Variants in INTU observed in about 807,000 individuals in gnomAD.
INTU encodes protein inturned.
In INTU, 68 loss-of-function variants were observed where a neutral mutation model predicts 100.5. The ratio of observed to expected loss-of-function variants is 0.68; its 90% confidence interval spans 0.56 to 0.83. The LOEUF (loss-of-function observed/expected upper bound fraction) is 0.83, where lower values mean the gene tolerates loss of function less well. INTU is among the 40% of genes least tolerant of loss of function. The pLI, the probability that INTU is intolerant of heterozygous loss-of-function variation, is 0.00. For missense variants in INTU, 1,071 were observed against 1,114.7 expected (o/e 0.96, Z 0.56); for synonymous variants, 357 against 395.7 (o/e 0.90, Z 1.16).
intron 2 of INTU, among the ~76,000 whole-genome samples, chr4:127,648,940 C>T (rs1177330290): frequency 6.6e-6 from 1 of 152,024 alleles, no homozygotes; most frequent in African/African-American, 2.4e-5. Context: ...TGACTTGGTG[C>T]CCATGCTTGC....
At chr4:127,654,827 T>C (rs1002293163) in intron 2 of INTU, among the ~76,000 whole-genome samples, 8 of 146,252 alleles carry the variant, frequency 5.5e-5, no homozygotes, top group African/African-American at 1.8e-4. Context: ...TTTTCCAACT[T>C]GGTTCCATTC....
At chr4:127,677,086 A>C (rs1729241980) in intron 6 of INTU, among the ~76,000 whole-genome samples, 1 of 152,172 alleles carries the variant, frequency 6.6e-6, no homozygotes, top group Admixed American at 6.5e-5. Context: ...TAGGTAAAGA[A>C]AGCAGCCGGG....
intron 8 of INTU, among the ~76,000 whole-genome samples, chr4:127,691,762 A>G (rs1378222425): frequency 6.6e-6 from 1 of 151,586 alleles, no homozygotes; most frequent in Non-Finnish European, 1.5e-5. Flanking sequence ...CTTTCCCCCA[A>G]GTTCCCAAAG....
intron 1 of INTU, among the ~76,000 whole-genome samples, chr4:127,637,002 AT>A (rs1727102178): frequency 6.6e-6 from 1 of 152,110 alleles, no homozygotes; most frequent in Non-Finnish European, 1.5e-5. Context: ...AAGATAATTC[AT>A]TGTCTTCCAT....
intron 4 of INTU, among the ~76,000 whole-genome samples, 187 bp downstream of exon 4, chr4:127,663,771 A>T (rs1366157115): frequency 6.6e-6 from 1 of 152,184 alleles, no homozygotes; most frequent in East Asian, 1.9e-4. Flanking sequence ...AATATTTCAT[A>T]CCACAAATGT....
intron 5 of INTU, among the ~76,000 whole-genome samples, chr4:127,670,029 G>C (rs1386423492): frequency 6.6e-6 from 1 of 151,830 alleles, no homozygotes; most frequent in Non-Finnish European, 1.5e-5. Flanking sequence ...TTTATATTTA[G>C]AACTCTTAAT....
chr4:127,709,787 G>T lies in INTU; in HGVS notation c.2369+1119G>T, dbSNP rs1273619474. On this transcript the variant is annotated intron_variant, in intron 13 of 15. Coordinates refer to ENST00000335251, the MANE Select transcript of INTU (RefSeq NM_015693.4). ...TTCTTAATCACTGAAACACTTTACA[G>T]TAAGTTCAAATATATGTGTTACAAA... Among the ~76,000 whole-genome samples, 6 of 150,950 alleles carry T rather than the reference G, an allele frequency of 4.0e-5. No individual in the cohort carries two copies. The East Asian group carries it at 1.2e-3, about 29-fold the overall frequency.
intron 3 of INTU, among the ~76,000 whole-genome samples, chr4:127,657,096 A>G (rs1167335730): frequency 6.6e-6 from 1 of 152,126 alleles, no homozygotes; most frequent in Non-Finnish European, 1.5e-5. Flanking sequence ...CACTGTTGCT[A>G]TAATGTTTTT....
At chr4:127,651,202 T>C (rs1727853971) in intron 2 of INTU, among the ~76,000 whole-genome samples, 1 of 152,118 alleles carries the variant, frequency 6.6e-6, no homozygotes, top group African/African-American at 2.4e-5. Flanking sequence ...TCTTTTGCTG[T>C]GCAGAAGCTC....
rs1357108848 is a variant in INTU, at chr4:127,691,960, A to ATG, written c.1449+4095_1449+4096dup. Among the ~76,000 whole-genome samples, 461 of 110,628 alleles carry ATG rather than the reference A, an allele frequency of 4.2e-3. 72 individuals carry two copies. The highest frequency in any genetic ancestry group is 0.013 in the African/African-American group (333 of 24,840). The allele number at this position is 110,628 out of a possible 152,430, so 72.6% of individuals were successfully genotyped here. A position where few individuals can be genotyped will look rare whatever the true frequency, so the allele number is the denominator to read the frequency against. ...ATGGCGGAGTATAGTGTTCCATGGT[A>ATG]TGTATATATATATATATATATGTCA... On this transcript the variant is annotated intron_variant, in intron 8 of 15. Coordinates refer to ENST00000335251, the MANE Select transcript of INTU (RefSeq NM_015693.4).
intron 8 of INTU, among the ~76,000 whole-genome samples, chr4:127,694,157 T>C (rs933822797): frequency 6.6e-6 from 1 of 152,116 alleles, no homozygotes; most frequent in African/African-American, 2.4e-5. Flanking sequence ...ACCAATTCTT[T>C]TTTGAATGTC....
Position 127,643,905 on chromosome 4 carries a change from G to A in INTU, c.531G>A (p.Glu177=), listed in dbSNP as rs765888692. ...AGCTAACTGTTATCAAAGCCAAAGAGCAGCTCAAGCTTCTGGAAGTGCTGG... is the reference window on the plus strand; with the variant it reads ...AGCTAACTGTTATCAAAGCCAAAGAACAGCTCAAGCTTCTGGAAGTGCTGG... ...PKKLTVIKAK[E]QLKLLEVLVG... Residue 177 remains glutamate (E), a synonymous_variant, in exon 2 of 16, where the codon GAG becomes GAA. Coordinates refer to ENST00000335251, the MANE Select transcript of INTU (RefSeq NM_015693.4). 5.0e-6 allele frequency: 8 copies of A among 1,614,150 alleles called. No individual in the cohort carries two copies. Among genetic ancestry groups the A allele is most frequent in the Non-Finnish European group, 6.8e-6 (8 of 1,180,026 alleles).
Position 127,663,473 on chromosome 4 carries a change from C to T in INTU, c.861C>T (p.Val287=), listed in dbSNP as rs1386933326. The T allele has an allele frequency of 6.2e-7, 1 of 1,613,370 alleles. No homozygotes were observed. The highest frequency in any genetic ancestry group is 1.7e-5 in the Admixed American group (1 of 59,922). ...KKTQSNTSDL[V]KLLWGEEVEG... ...CACAGTCCAACACAAGTGATTTAGT[C>T]AAGCTTCTCTGGGGAGAAGAGGTTG... The change falls in exon 4 of 16, where the codon GTC becomes GTT. Residue 287 remains valine (V), a synonymous_variant. Coordinates refer to ENST00000335251, the MANE Select transcript of INTU (RefSeq NM_015693.4).
chr4:127,707,445 C>A (rs1037473142), intron 12 of INTU, among the ~76,000 whole-genome samples: 4 of 151,084 alleles, frequency 2.6e-5, no homozygotes, highest in Non-Finnish European at 4.4e-5. Context: ...GATAAGAACC[C>A]CTTGACATTC....
rs1017276255 is a variant in INTU, at chr4:127,720,750, A to T, written c.*4314A>T. The T allele has an allele frequency of 6.6e-5, 10 of 151,822 alleles. No individual in the cohort carries two copies. The highest frequency in any genetic ancestry group is 1.9e-4 in the African/African-American group (8 of 41,324). The allele number at this position is 151,822 out of a possible 1,614,324, so 9.4% of individuals were successfully genotyped here. ...TATGTAATGCCTTTGTCTTTTTTTT[A>T]ATCTTTATTCGTTTAAAGTCTTTGT... On this transcript the variant is annotated 3_prime_UTR_variant, in exon 16 of 16. Coordinates refer to ENST00000335251, the MANE Select transcript of INTU (RefSeq NM_015693.4).
intron 4 of INTU, among the ~76,000 whole-genome samples, chr4:127,667,011 A>G (rs897813484): frequency 2.0e-5 from 3 of 152,152 alleles, no homozygotes; most frequent in Non-Finnish European, 4.4e-5. Flanking sequence ...ATACAGACCT[A>G]GAGTTAATAA....
chr4:127,644,174 A>T, intron 2 of INTU, 118 bp downstream of exon 2: 1 of 1,071,158 alleles, frequency 9.3e-7, no homozygotes, highest in Non-Finnish European at 1.3e-6. Context: ...AGAACTGATT[A>T]ATGACATTTG....
At chr4:127,667,890 C>T (rs1351444726) in intron 4 of INTU, among the ~76,000 whole-genome samples, 1 of 151,912 alleles carries the variant, frequency 6.6e-6, no homozygotes, top group African/African-American at 2.4e-5. Flanking sequence ...TTATATTTGT[C>T]ATAATGTAAA....
At chr4:127,690,145 A>G (rs551148753) in intron 8 of INTU, among the ~76,000 whole-genome samples, 23 of 152,352 alleles carry the variant, frequency 1.5e-4, no homozygotes, top group African/African-American at 4.8e-4. Context: ...AAGATGTTCT[A>G]AAGTATTGTC....
Sources: allele counts gnomAD v4.1 joint callset (sites outside exome capture counted in the v4.1 genomes callset), GRCh38; gene constraint gnomAD v4.1.1; transcripts MANE v1.5; gene names NCBI Gene and HGNC (gene_info 2026-07-23, HGNC 2026-07-21).